SCAPER: variants seen among roughly 807,000 people sequenced by gnomAD.
SCAPER encodes the protein S-phase cyclin A associated protein in the ER.
A neutral mutation model predicts 182.2 loss-of-function variants in SCAPER; 98 were observed. The observed-to-expected ratio is 0.54, with a 90% CI of 0.46 to 0.64. SCAPER has a LOEUF of 0.64. Among genes scored for constraint, SCAPER ranks in the 30% least tolerant of loss-of-function variants. The probability of loss-of-function intolerance (pLI) is 0.00; values close to 1 mark genes in which losing one functional copy is unlikely to be tolerated. For synonymous variants in SCAPER, 605 were observed against 564.6 expected (o/e 1.07, Z -1.01); for missense variants, 1,432 against 1,690.0 (o/e 0.85, Z 2.68).
At chr15:76,709,744 A>G (rs998226636) in intron 17 of SCAPER, among the ~76,000 whole-genome samples, 1 of 152,210 alleles carries the variant, frequency 6.6e-6, no homozygotes, top group Non-Finnish European at 1.5e-5. Flanking sequence ...AAACATCACA[A>G]GAAAACTACA....
intron 20 of SCAPER, among the ~76,000 whole-genome samples, chr15:76,692,127 A>G (rs929963025): frequency 1.3e-5 from 2 of 152,232 alleles, no homozygotes; most frequent in Non-Finnish European, 2.9e-5. Flanking sequence ...AATAAAAAGC[A>G]GCAGACAAAA....
At chr15:76,801,506 C>T (rs1436481385) in intron 6 of SCAPER, among the ~76,000 whole-genome samples, 1 of 152,140 alleles carries the variant, frequency 6.6e-6, no homozygotes, top group East Asian at 1.9e-4. Context: ...AATTTTGATG[C>T]ATGATTTGAA....
chr15:76,900,628 A>C (rs1445499361), intron 1 of SCAPER, among the ~76,000 whole-genome samples: 1 of 152,180 alleles, frequency 6.6e-6, no homozygotes, highest in Non-Finnish European at 1.5e-5. Context: ...GCAATCCCGG[A>C]ATATCTGTGG....
chr15:76,727,922 A>C (rs2060689870), intron 17 of SCAPER, among the ~76,000 whole-genome samples: 1 of 152,114 alleles, frequency 6.6e-6, no homozygotes, highest in Non-Finnish European at 1.5e-5. Flanking sequence ...AAAAACCCTG[A>C]ACAGCTCATA....
chr15:76,621,296 C>T (rs1216431692), intron 22 of SCAPER, among the ~76,000 whole-genome samples: 3 of 152,188 alleles, frequency 2.0e-5, no homozygotes, highest in Non-Finnish European at 4.4e-5. Flanking sequence ...TCTAAATTCT[C>T]ATCTAAAATC....
chr15:76,643,238 C>T (rs1005522553), intron 21 of SCAPER, among the ~76,000 whole-genome samples: 5 of 152,224 alleles, frequency 3.3e-5, no homozygotes, highest in Non-Finnish European at 5.9e-5. Flanking sequence ...TCTCCTTCCA[C>T]ATGCCTGTGC....
rs747900907 is a variant in SCAPER, at chr15:76,775,121, T to C, written c.773-4A>G. 6 of 1,583,754 alleles carry C rather than the reference T, an allele frequency of 3.8e-6. No homozygotes were observed. The highest frequency in any genetic ancestry group is 5.1e-6 in the Non-Finnish European group (6 of 1,166,166). On this transcript the variant is annotated splice_region_variant and splice_polypyrimidine_tract_variant and intron_variant, in intron 8 of 31. Transcript: ENST00000563290. ...CATCCTTCAGCATCTTTCCGTTCTA[T>C]GCAATTAAAGTAAAAAACAAATCAA...
intron 10 of SCAPER, among the ~76,000 whole-genome samples, chr15:76,767,371 T>C (rs745561857): frequency 6.6e-6 from 1 of 152,114 alleles, no homozygotes; most frequent in Non-Finnish European, 1.5e-5. Flanking sequence ...ATTATATAAA[T>C]AACAGGTAGT....
At chr15:76,585,566 T>G (rs1205986191) in intron 22 of SCAPER, among the ~76,000 whole-genome samples, 1 of 152,204 alleles carries the variant, frequency 6.6e-6, no homozygotes, top group East Asian at 1.9e-4. Flanking sequence ...TTAACAAGAA[T>G]GCTGACATTT....
intron 26 of SCAPER, among the ~76,000 whole-genome samples, chr15:76,431,676 CAAAAAAAA>C (rs60675828): frequency 2.1e-4 from 10 of 47,128 alleles, no homozygotes; most frequent in Admixed American, 3.2e-4. Context: ...AAATGATTAG[CAAAAAAAA>C]AAAAAAAAAA....
chr15:76,553,822 A>G lies in SCAPER; in HGVS notation c.2838+20336T>C, dbSNP rs528722315. 5.6e-4 allele frequency among the ~76,000 whole-genome samples: 86 copies of G among 152,350 alleles called. No individual in the cohort carries two copies. The South Asian group carries it at 0.017, about 30-fold the overall frequency. ...CATCAAAAAAGATAAAAACAAAAAA[A>G]AACTCATTCAAAGGAGCAACTTCAA... On this transcript the variant is annotated intron_variant, in intron 23 of 31. Transcript: ENST00000563290.
rs530436575 is a variant in SCAPER, at chr15:76,481,134, G to A, written c.2955-9799C>T. ...AATATTTTATTTTTTGTAGCTATCA[G>A]GAATAAAATTTGGACCCAACAGAGA... is the stretch of plus-strand genomic sequence containing the variant. On this transcript the variant is annotated intron_variant, in intron 24 of 31. Transcript: ENST00000563290. 1.2e-3 allele frequency among the ~76,000 whole-genome samples: 178 copies of A among 152,026 alleles called. 5 individuals are homozygous for A. Among genetic ancestry groups the A allele is most frequent in the Non-Finnish European group, 6.6e-4 (45 of 68,016 alleles).
intron 20 of SCAPER, among the ~76,000 whole-genome samples, chr15:76,671,827 G>T (rs1417833287): frequency 1.3e-5 from 2 of 151,744 alleles, no homozygotes; most frequent in Admixed American, 1.3e-4. Context: ...GCGTTTCAGT[G>T]TCTGCAGGAG....
chr15:76,652,631 G>C (rs2055266745), intron 21 of SCAPER, among the ~76,000 whole-genome samples: 1 of 150,306 alleles, frequency 6.7e-6, no homozygotes, highest in African/African-American at 2.5e-5. Context: ...GAATCACTTA[G>C]AGCGGGGAGG....
chr15:76,477,561 T>C (rs2050754490), intron 24 of SCAPER, among the ~76,000 whole-genome samples: 2 of 152,210 alleles, frequency 1.3e-5, no homozygotes, highest in South Asian at 4.2e-4. Flanking sequence ...AGCCTTTTGA[T>C]AGATATTATC....
intron 17 of SCAPER, among the ~76,000 whole-genome samples, chr15:76,715,542 C>T (rs2059843610): frequency 6.6e-6 from 1 of 152,070 alleles, no homozygotes; most frequent in Admixed American, 6.5e-5. Flanking sequence ...CCACAGGGCC[C>T]AAGATACAGC....
chr15:76,695,317 C>T (rs1436177653), intron 20 of SCAPER, among the ~76,000 whole-genome samples: 1 of 152,030 alleles, frequency 6.6e-6, no homozygotes, highest in African/African-American at 2.4e-5. Context: ...TATTTGTGGC[C>T]AGGCACAGTG....
In SCAPER at chr15:76,604,394, C is replaced by T. The variant is rs1254668362; in HGVS notation, c.2711+17370G>A. Among the ~76,000 whole-genome samples, 17 of 119,552 alleles carry T rather than the reference C, an allele frequency of 1.4e-4. 3 individuals carry two copies. Among genetic ancestry groups the T allele is most frequent in the Non-Finnish European group, 1.4e-4 (7 of 49,276 alleles). The allele number at this position is 119,552 out of a possible 152,430, so 78.4% of individuals were successfully genotyped here. A position where few individuals can be genotyped will look rare whatever the true frequency, so the allele number is the denominator to read the frequency against. On this transcript the variant is annotated intron_variant, in intron 22 of 31. Transcript: ENST00000563290. ...GTTCCATTGGTCTATATCTCTGTTTCGGTACCAGTACCATGCTGTTTTGGT... is the reference window on the plus strand; with the variant it reads ...GTTCCATTGGTCTATATCTCTGTTTTGGTACCAGTACCATGCTGTTTTGGT...
At position 76,830,871 on chromosome 15, in the gene SCAPER, C is replaced by G. The variant is rs2068408803; in HGVS notation, c.393+10863G>C. ...ATTGAGAGTGGATAGAGGGAGAAGA[C>G]AGATCCTGGGGCTGAAGGGGAAGGA... is the stretch of plus-strand genomic sequence containing the variant. On this transcript the variant is annotated intron_variant, in intron 5 of 31. Transcript: ENST00000563290. 2.6e-5 allele frequency among the ~76,000 whole-genome samples: 4 copies of G among 151,886 alleles called. No individual in the cohort carries two copies. In the South Asian group the frequency reaches 8.3e-4, roughly 32 times the overall value.
Sources: gnomAD v4.1 joint callset for allele counts (sites outside exome capture counted in the v4.1 genomes callset) on GRCh38, gnomAD v4.1.1 for gene constraint, MANE v1.5 for transcripts, NCBI Gene and HGNC (gene_info 2026-07-23, HGNC 2026-07-21) for gene names.